SLC2A13: variants seen among roughly 807,000 people sequenced by gnomAD.
SLC2A13 encodes solute carrier family 2 member 13, also known as proton myo-inositol cotransporter.
Under a neutral mutation model 64.4 loss-of-function variants are expected in SLC2A13, and 32 were observed. The observed-to-expected ratio is 0.50, with a 90% CI of 0.37 to 0.67. SLC2A13 has a LOEUF of 0.67. SLC2A13 is among the 30% of genes least tolerant of loss of function. SLC2A13 has a pLI of 0.00. For missense variants in SLC2A13, 743 were observed against 829.2 expected (o/e 0.90, Z 1.28); for synonymous variants, 338 against 327.1 (o/e 1.03, Z -0.36).
chr12:39,899,566 T>A (rs1182536919), intron 4 of SLC2A13, among the ~76,000 whole-genome samples: 5 of 152,180 alleles, frequency 3.3e-5, no homozygotes, highest in African/African-American at 1.2e-4. Context: ...CTTTCAATTG[T>A]GATGTTAGGG....
intron 1 of SLC2A13, among the ~76,000 whole-genome samples, chr12:40,058,287 C>G (rs1353449659): frequency 6.6e-6 from 1 of 151,954 alleles, no homozygotes; most frequent in Admixed American, 6.6e-5. Flanking sequence ...AAAACACAGC[C>G]AAATTAACCT....
At chr12:40,040,346 T>G (rs980241880) in intron 2 of SLC2A13, among the ~76,000 whole-genome samples, 1 of 152,208 alleles carries the variant, frequency 6.6e-6, no homozygotes, top group Non-Finnish European at 1.5e-5. Context: ...CACTGTAATA[T>G]CTTCATGATA....
At chr12:39,840,615 C>G (rs1278861602) in intron 6 of SLC2A13, among the ~76,000 whole-genome samples, 1 of 151,988 alleles carries the variant, frequency 6.6e-6, no homozygotes, top group African/African-American at 2.4e-5. Flanking sequence ...CCTTATCTTT[C>G]CTATACTTCC....
chr12:39,934,727 A>G (rs1945888189), intron 4 of SLC2A13, among the ~76,000 whole-genome samples: 1 of 152,214 alleles, frequency 6.6e-6, no homozygotes, highest in Admixed American at 6.5e-5. Flanking sequence ...TACTTTATAC[A>G]TTTTCTATAT....
At chr12:39,950,863 C>T (rs899807091) in intron 4 of SLC2A13, 5 of 211,950 alleles carry the variant, frequency 2.4e-5, no homozygotes, top group Non-Finnish European at 3.7e-5. Context: ...TAGACTGCAC[C>T]AAAAAGAAAT....
chr12:40,084,013 G>A (rs1353046205), intron 1 of SLC2A13, among the ~76,000 whole-genome samples: 1 of 152,162 alleles, frequency 6.6e-6, no homozygotes, highest in Non-Finnish European at 1.5e-5. Context: ...ACTGTACACA[G>A]TACCAATACA....
At chr12:39,853,984 G>A (rs1943537080) in intron 6 of SLC2A13, among the ~76,000 whole-genome samples, 1 of 151,904 alleles carries the variant, frequency 6.6e-6, no homozygotes, top group African/African-American at 2.4e-5. Context: ...AAATCCTAGT[G>A]TTTAAATACC....
At chr12:40,018,673 G>A (rs1446045434) in intron 3 of SLC2A13, among the ~76,000 whole-genome samples, 1 of 152,130 alleles carries the variant, frequency 6.6e-6, no homozygotes, top group Non-Finnish European at 1.5e-5. Context: ...CTCCTAATAT[G>A]TTACTGCTTT....
At chr12:40,015,911 A>G (rs1315430699) in intron 3 of SLC2A13, among the ~76,000 whole-genome samples, 2 of 152,204 alleles carry the variant, frequency 1.3e-5, no homozygotes, top group Non-Finnish European at 2.9e-5. Flanking sequence ...TAGCATTAAA[A>G]GATATAATAA....
chr12:40,035,512 T>C (rs1947969576), intron 2 of SLC2A13, among the ~76,000 whole-genome samples: 1 of 152,216 alleles, frequency 6.6e-6, no homozygotes. Context: ...TGCACCCTGA[T>C]GACTGATACA....
intron 4 of SLC2A13, among the ~76,000 whole-genome samples, chr12:39,910,334 A>G (rs2136039396): frequency 6.6e-6 from 1 of 152,296 alleles, no homozygotes; most frequent in South Asian, 2.1e-4. Flanking sequence ...ATGATAAACT[A>G]TGCATTGATG....
chr12:40,089,394 C>T (rs1475700853), intron 1 of SLC2A13, among the ~76,000 whole-genome samples: 1 of 152,184 alleles, frequency 6.6e-6, no homozygotes, highest in African/African-American at 2.4e-5. Flanking sequence ...ACACTGTCTT[C>T]CTCTTTAGTA....
chr12:39,887,473 AAAG>A (rs1250232389), intron 4 of SLC2A13, among the ~76,000 whole-genome samples: 1 of 152,184 alleles, frequency 6.6e-6, no homozygotes, highest in Admixed American at 6.5e-5. Flanking sequence ...GGAATGTAAA[AAAG>A]GGACTTTTCA....
chr12:39,990,903 G>A (rs1312840231), intron 3 of SLC2A13, among the ~76,000 whole-genome samples: 1 of 152,016 alleles, frequency 6.6e-6, no homozygotes, highest in African/African-American at 2.4e-5. Flanking sequence ...CTCAAACCTA[G>A]GCTTCAAGGT....
rs531078704 is a variant in SLC2A13, at chr12:39,994,442, C to T, written c.925+33859G>A. ...ACTTCAAGCTGTATTTTGATACTGCCGTACATACATATGTGTGTGCATATA... is the reference window on the plus strand; with the variant it reads ...ACTTCAAGCTGTATTTTGATACTGCTGTACATACATATGTGTGTGCATATA... On this transcript the variant is annotated intron_variant, in intron 3 of 9. Coordinates refer to ENST00000280871, the MANE Select transcript of SLC2A13 (RefSeq NM_052885.4). Among the ~76,000 whole-genome samples the T allele has an allele frequency of 3.3e-5, 5 of 151,286 alleles. 1 individual carries two copies. In the South Asian group the frequency reaches 6.3e-4, roughly 19 times the overall value.
At chr12:39,981,588 C>A (rs1230550855) in intron 3 of SLC2A13, among the ~76,000 whole-genome samples, 5 of 150,784 alleles carry the variant, frequency 3.3e-5, no homozygotes, top group African/African-American at 9.7e-5. Flanking sequence ...GAAATGGATA[C>A]ATTCCTCGAC....
intron 7 of SLC2A13, among the ~76,000 whole-genome samples, chr12:39,802,971 T>C (rs1941843742): frequency 1.3e-5 from 2 of 152,208 alleles, no homozygotes; most frequent in South Asian, 4.2e-4. Context: ...GATAATGACA[T>C]TGGAAAAGAG....
At chr12:39,816,076 A>G (rs947480028) in intron 7 of SLC2A13, among the ~76,000 whole-genome samples, 2 of 152,164 alleles carry the variant, frequency 1.3e-5, no homozygotes, top group Non-Finnish European at 2.9e-5. Context: ...GAGGCACATA[A>G]TATGTTCTGG....
chr12:39,759,971 G>T lies in SLC2A13; in HGVS notation c.*55C>A. Reference sequence around the variant, plus strand: ...AAGCAGGGCAGTGAAGTCACCAATTGCTGTTCTTCTCCCCCCAGTTTGTTT... The same window carrying T: ...AAGCAGGGCAGTGAAGTCACCAATTTCTGTTCTTCTCCCCCCAGTTTGTTT... On this transcript the variant is annotated 3_prime_UTR_variant, in exon 10 of 10. Coordinates refer to ENST00000280871, the MANE Select transcript of SLC2A13 (RefSeq NM_052885.4). 1 of 1,369,390 alleles carries T rather than the reference G, an allele frequency of 7.3e-7. No homozygotes were observed. Among genetic ancestry groups the T allele is most frequent in the Non-Finnish European group, 1.0e-6 (1 of 967,990 alleles). 84.8% of individuals were successfully genotyped at this position (1,369,390 alleles called of 1,614,324 possible). A position where few individuals can be genotyped will look rare whatever the true frequency, so the allele number is the denominator to read the frequency against.
Sources: allele counts gnomAD v4.1 joint callset (sites outside exome capture counted in the v4.1 genomes callset), GRCh38; gene constraint gnomAD v4.1.1; transcripts MANE v1.5; gene names NCBI Gene and HGNC (gene_info 2026-07-23, HGNC 2026-07-21).